The following FBXL7 variants were observed in gnomAD, a reference collection of about 807,000 sequenced individuals.
The protein encoded by FBXL7 is F-box and leucine rich repeat protein 7, also known as F-box/LRR-repeat protein 7.
Under a neutral mutation model 38.3 loss-of-function variants are expected in FBXL7, and 12 were observed. That is an observed-to-expected ratio of 0.31 (90% CI 0.20 to 0.51). The LOEUF (loss-of-function observed/expected upper bound fraction) is 0.51, where lower values mean the gene tolerates loss of function less well. FBXL7 is among the 20% of genes least tolerant of loss of function. FBXL7 has a pLI of 0.98. For missense variants in FBXL7, 567 were observed against 676.4 expected (o/e 0.84, Z 1.79); for synonymous variants, 297 against 300.9 (o/e 0.99, Z 0.13).
chr5:15,592,199 G>A (rs1229950529), intron 1 of FBXL7, among the ~76,000 whole-genome samples: 4 of 152,090 alleles, frequency 2.6e-5, no homozygotes, highest in African/African-American at 7.2e-5. Flanking sequence ...ATTCTAGAAC[G>A]TGGCCTAGGA....
At chr5:15,883,941 G>C (rs775688900) in intron 2 of FBXL7, among the ~76,000 whole-genome samples, 2 of 152,104 alleles carry the variant, frequency 1.3e-5, no homozygotes, top group Non-Finnish European at 2.9e-5. Context: ...AACTGCATTT[G>C]TCTTCTCCAT....
intron 2 of FBXL7, among the ~76,000 whole-genome samples, chr5:15,637,450 C>G (rs1741223251): frequency 6.6e-6 from 1 of 152,108 alleles, no homozygotes; most frequent in Non-Finnish European, 1.5e-5. Context: ...GGAAGCATGT[C>G]AAAGAAAGCA....
intron 2 of FBXL7, among the ~76,000 whole-genome samples, chr5:15,840,124 A>G (rs1178860509): frequency 6.6e-6 from 1 of 152,198 alleles, no homozygotes; most frequent in Non-Finnish European, 1.5e-5. Context: ...TGTAGGAGCA[A>G]TACTGACATT....
chr5:15,779,983 T>C (rs926837898), intron 2 of FBXL7, among the ~76,000 whole-genome samples: 1 of 152,182 alleles, frequency 6.6e-6, no homozygotes, highest in Non-Finnish European at 1.5e-5. Flanking sequence ...CTTGTGTTTG[T>C]CAAAAATGGA....
chr5:15,605,553 GC>G (rs949294131), intron 1 of FBXL7, among the ~76,000 whole-genome samples: 13 of 152,096 alleles, frequency 8.5e-5, no homozygotes, highest in Admixed American at 4.6e-4. Flanking sequence ...GAGATCAAAA[GC>G]AGATTAGATG....
chr5:15,808,286 A>T (rs1309720030), intron 2 of FBXL7, among the ~76,000 whole-genome samples: 1 of 151,436 alleles, frequency 6.6e-6, no homozygotes, highest in South Asian at 2.1e-4. Context: ...TGTAGGTCAA[A>T]TTTTTTTTTA....
At chr5:15,670,378 G>C (rs185077172) in intron 2 of FBXL7, among the ~76,000 whole-genome samples, 19 of 152,268 alleles carry the variant, frequency 1.2e-4, no homozygotes, top group African/African-American at 4.6e-4. Context: ...TTGTGTTTGT[G>C]CTTGGCATTG....
intron 1 of FBXL7, among the ~76,000 whole-genome samples, chr5:15,532,804 C>T (rs892345541): frequency 1.3e-5 from 2 of 152,222 alleles, no homozygotes; most frequent in Non-Finnish European, 2.9e-5. Context: ...GCCATGAATC[C>T]TGTGCAGCCC....
intron 1 of FBXL7, among the ~76,000 whole-genome samples, chr5:15,613,383 A>C (rs1740320996): frequency 6.6e-6 from 1 of 152,222 alleles, no homozygotes; most frequent in African/African-American, 2.4e-5. Flanking sequence ...CCACTTCCAA[A>C]GATGAACCAT....
chr5:15,572,230 A>C (rs2126454295), intron 1 of FBXL7, among the ~76,000 whole-genome samples: 1 of 152,194 alleles, frequency 6.6e-6, no homozygotes, highest in African/African-American at 2.4e-5. Context: ...TGAAATAATG[A>C]TACTTGCTCT....
intron 1 of FBXL7, among the ~76,000 whole-genome samples, chr5:15,543,686 C>T (rs529949596): frequency 2.6e-5 from 4 of 152,208 alleles, no homozygotes; most frequent in East Asian, 3.9e-4. Context: ...GGTTATCAGT[C>T]GCATGTGCTA....
At chr5:15,852,983 G>A (rs899406788) in intron 2 of FBXL7, among the ~76,000 whole-genome samples, 3 of 152,164 alleles carry the variant, frequency 2.0e-5, no homozygotes, top group Non-Finnish European at 4.4e-5. Context: ...CTCATGGAGG[G>A]CTGACTATTG....
intron 2 of FBXL7, among the ~76,000 whole-genome samples, chr5:15,888,983 G>C (rs144316505): frequency 6.6e-6 from 1 of 152,138 alleles, no homozygotes; most frequent in African/African-American, 2.4e-5. Flanking sequence ...CCAGTACTGC[G>C]GTTCCCCTAA....
At chr5:15,659,571 T>C (rs912148468) in intron 2 of FBXL7, among the ~76,000 whole-genome samples, 6 of 152,108 alleles carry the variant, frequency 3.9e-5, no homozygotes, top group African/African-American at 1.4e-4. Context: ...GATTTAAAGA[T>C]ACACAAATGC....
intron 3 of FBXL7, among the ~76,000 whole-genome samples, chr5:15,932,195 TA>T (rs1266803942): frequency 6.6e-6 from 1 of 152,130 alleles, no homozygotes; most frequent in Non-Finnish European, 1.5e-5. Context: ...TCCTCATCAG[TA>T]AAAGTGAGGT....
At chr5:15,901,326 G>C (rs1741228437) in intron 2 of FBXL7, among the ~76,000 whole-genome samples, 2 of 152,284 alleles carry the variant, frequency 1.3e-5, no homozygotes, top group South Asian at 4.1e-4. Flanking sequence ...GGTAGAAGAA[G>C]GGCAAGAGAG....
intron 1 of FBXL7, among the ~76,000 whole-genome samples, chr5:15,513,201 T>G (rs909710092): frequency 2.6e-5 from 4 of 151,860 alleles, no homozygotes; most frequent in Non-Finnish European, 4.4e-5. Context: ...CATGCACACA[T>G]ACATGAGAAT....
intron 2 of FBXL7, among the ~76,000 whole-genome samples, chr5:15,876,148 A>G (rs1208888405): frequency 6.6e-6 from 1 of 152,048 alleles, no homozygotes; most frequent in African/African-American, 2.4e-5. Flanking sequence ...AAACTAACAG[A>G]ACAGAAAACC....
intron 2 of FBXL7, among the ~76,000 whole-genome samples, chr5:15,691,983 G>A (rs1474842282): frequency 1.3e-5 from 2 of 152,132 alleles, no homozygotes; most frequent in African/African-American, 4.8e-5. Flanking sequence ...GGTGTGTGGT[G>A]AGGTAGGACT....
Sources: gnomAD v4.1 joint callset for allele counts (sites outside exome capture counted in the v4.1 genomes callset) on GRCh38, gnomAD v4.1.1 for gene constraint, MANE v1.5 for transcripts, NCBI Gene and HGNC (gene_info 2026-07-23, HGNC 2026-07-21) for gene names.